The following PFKFB3 variants were observed in gnomAD, a reference collection of about 807,000 sequenced individuals.
PFKFB3 encodes 6-phosphofructo-2-kinase/fructose-2,6-biphosphatase 3, also known as 6-phosphofructo-2-kinase/fructose-2,6-bisphosphatase 3.
In PFKFB3, 33 loss-of-function variants were observed where a neutral mutation model predicts 68.0. The ratio of observed to expected loss-of-function variants is 0.49; its 90% CI spans 0.37 to 0.65. PFKFB3 has a LOEUF of 0.65. PFKFB3 is among the 30% of genes least tolerant of loss of function. PFKFB3 has a pLI of 0.00. For synonymous variants in PFKFB3, 315 were observed against 288.2 expected (o/e 1.09, Z -0.94); for missense variants, 586 against 712.2 (o/e 0.82, Z 2.02).
the PFKFB3 span, among the ~76,000 whole-genome samples, chr10:6,262,180 C>A: frequency 6.6e-6 from 1 of 151,946 alleles, no homozygotes; most frequent in Non-Finnish European, 1.5e-5. Flanking sequence ...GTTGGCCGGG[C>A]GTGGTGGCTC....
At chr10:6,260,278 C>T in the PFKFB3 span, among the ~76,000 whole-genome samples, 17 of 151,706 alleles carry the variant, frequency 1.1e-4, no homozygotes, top group South Asian at 6.2e-4. Context: ...CTGGGCATGG[C>T]GGCGGGTTCC....
Position 6,210,581 on chromosome 10 carries a change from A to ACCTCGTGATCCGCCCGCCTTGGCC in PFKFB3, c.77-3042_77-3041insCCTCGTGATCCGCCCGCCTTGGCC. Reference sequence around the variant, plus strand: ...CGCCATGTTAGCCAGGATAGTCTTGATAGTGTTTTTAATAGACGGGGTTTC... The same window carrying ACCTCGTGATCCGCCCGCCTTGGCC: ...CGCCATGTTAGCCAGGATAGTCTTGACCTCGTGATCCGCCCGCCTTGGCCTAGTGTTTTTAATAGACGGGGTTTC... On this transcript the variant is annotated intron_variant, in intron 1 of 14. Coordinates refer to ENST00000379775, the MANE Select transcript of PFKFB3 (RefSeq NM_004566.4). 1.1e-4 allele frequency among the ~76,000 whole-genome samples: 6 copies of ACCTCGTGATCCGCCCGCCTTGGCC among 52,496 alleles called. 1 individual carries two copies. The highest frequency in any genetic ancestry group is 9.4e-5 in the African/African-American group (2 of 21,214). The allele number at this position is 52,496 out of a possible 152,430, so 34.4% of individuals were successfully genotyped here. A position where few individuals can be genotyped will look rare whatever the true frequency, so the allele number is the denominator to read the frequency against.
chr10:6,178,771 G>T (rs1842613010), intron 1 of PFKFB3, among the ~76,000 whole-genome samples: 1 of 152,242 alleles, frequency 6.6e-6, no homozygotes, highest in South Asian at 2.1e-4. Context: ...GGATTTGAAG[G>T]CAGAGGGCCT....
chr10:6,244,753 C>T (rs1846217744), intron 14 of PFKFB3, among the ~76,000 whole-genome samples: 1 of 152,134 alleles, frequency 6.6e-6, no homozygotes, highest in Admixed American at 6.6e-5. Flanking sequence ...GAAATGCCCT[C>T]ATCACCCAGA....
In PFKFB3 at chr10:6,228,691, TG is replaced by T. The variant is rs199774036; in HGVS notation, c.1515+2329del. On this transcript the variant is annotated intron_variant, in intron 14 of 14. Transcript: ENST00000379775. This position sits in a 1 kb window ranked among gnomAD's most constrained non-coding sequence, Gnocchi z 4.5. ...TGTAAACCAAACCTATGGGGAATAGTGGGAGTGTGGTGGGGCCTGAGCTCTG... is the reference window on the plus strand; with the variant it reads ...TGTAAACCAAACCTATGGGGAATAGTGGAGTGTGGTGGGGCCTGAGCTCTG... Among the ~76,000 whole-genome samples the T allele has an allele frequency of 0.024, 1,781 of 74,384 alleles. 26 individuals carry two copies. Among genetic ancestry groups the T allele is most frequent in the Middle Eastern group, 0.082 (11 of 134 alleles). The allele number at this position is 74,384 out of a possible 152,430, so 48.8% of individuals were successfully genotyped here. A position where few individuals can be genotyped will look rare whatever the true frequency, so the allele number is the denominator to read the frequency against.
At chr10:6,283,268 A>G in the PFKFB3 span, among the ~76,000 whole-genome samples, 4 of 152,170 alleles carry the variant, frequency 2.6e-5, no homozygotes, top group African/African-American at 9.7e-5. Flanking sequence ...GCGCCCAGCC[A>G]AGTTATTCTA....
At chr10:6,281,446 C>T in the PFKFB3 span, among the ~76,000 whole-genome samples, 6 of 152,090 alleles carry the variant, frequency 3.9e-5, no homozygotes, top group Admixed American at 3.3e-4. Flanking sequence ...TGGACAACCA[C>T]ATGCCCAGCT....
chr10:6,250,959 T>G (rs1005122311), intron 14 of PFKFB3, among the ~76,000 whole-genome samples: 4 of 152,178 alleles, frequency 2.6e-5, no homozygotes, highest in African/African-American at 9.7e-5. Context: ...TCTTGTGACC[T>G]TTCACGAGTG....
chr10:6,226,455 G>C, intron 14 of PFKFB3, 90 bp downstream of exon 14: 2 of 1,324,980 alleles, frequency 1.5e-6, no homozygotes, highest in South Asian at 1.4e-5. Context: ...GTGTTTGCAA[G>C]AATACGTGCG....
downstream of PFKFB3, among the ~76,000 whole-genome samples, chr10:6,238,441 A>C (rs1370381692): frequency 2.2e-5 from 3 of 137,912 alleles, no homozygotes; most frequent in Admixed American, 8.1e-5. Flanking sequence ...CCGGGATTAC[A>C]GGTGTGAGCC....
At chr10:6,179,887 C>A (rs1185083469) in intron 1 of PFKFB3, among the ~76,000 whole-genome samples, 1 of 152,112 alleles carries the variant, frequency 6.6e-6, no homozygotes, top group East Asian at 1.9e-4. Flanking sequence ...GACCGTTGAG[C>A]CCCCAGAGTG....
Position 6,233,068 on chromosome 10 carries a change from C to T in PFKFB3, c.*126C>T. The T allele has an allele frequency of 2.6e-6, 2 of 767,826 alleles. No individual in the cohort carries two copies. Among genetic ancestry groups the T allele is most frequent in the South Asian group, 3.1e-5 (2 of 65,046 alleles). The allele number at this position is 767,826 out of a possible 1,614,324, so 47.6% of individuals were successfully genotyped here. On this transcript the variant is annotated 3_prime_UTR_variant, in exon 15 of 15. Transcript: ENST00000379775. ...GGGTGGGGTGGAGCAGCGGGGGAGC[C>T]TTGGCCGAAGAGAACCATGCTTGGC...
intron 1 of PFKFB3, among the ~76,000 whole-genome samples, chr10:6,210,585 T>G (rs1264006378): frequency 2.0e-4 from 7 of 35,268 alleles, no homozygotes; most frequent in East Asian, 3.8e-4. Flanking sequence ...GTCTTGATAG[T>G]GTTTTTAATA....
intron 1 of PFKFB3, among the ~76,000 whole-genome samples, chr10:6,160,937 A>T (rs1290750577): frequency 6.6e-6 from 1 of 151,702 alleles, no homozygotes; most frequent in East Asian, 1.9e-4. Flanking sequence ...TTTTTAATTT[A>T]TTTTTTTATT....
intron 14 of PFKFB3, among the ~76,000 whole-genome samples, chr10:6,240,541 G>C (rs1164151798): frequency 3.3e-5 from 5 of 152,296 alleles, no homozygotes; most frequent in African/African-American, 9.6e-5. Flanking sequence ...TGGGATTACA[G>C]ACGTGAGCCG....
At chr10:6,264,289 C>T in the PFKFB3 span, among the ~76,000 whole-genome samples, 1 of 152,188 alleles carries the variant, frequency 6.6e-6, no homozygotes, top group Non-Finnish European at 1.5e-5. Context: ...AGTCATCTTA[C>T]TCTGTTCTTA....
intron 1 of PFKFB3, among the ~76,000 whole-genome samples, chr10:6,209,069 G>A (rs1003586713): frequency 4.6e-5 from 7 of 152,218 alleles, no homozygotes; most frequent in Admixed American, 3.9e-4. Flanking sequence ...CCCAGTGCAT[G>A]TACCTGGTGC....
intron 1 of PFKFB3, among the ~76,000 whole-genome samples, chr10:6,193,187 A>T (rs1843079831): frequency 6.6e-6 from 1 of 152,192 alleles, no homozygotes; most frequent in Admixed American, 6.5e-5. Flanking sequence ...TCTCTACAAA[A>T]ACAAAAGATA....
intron 1 of PFKFB3, among the ~76,000 whole-genome samples, chr10:6,156,851 G>A (rs1272084448): frequency 2.0e-5 from 3 of 152,024 alleles, no homozygotes; most frequent in Admixed American, 6.5e-5. Flanking sequence ...CAGCACTTTG[G>A]GAGGCTGAGG....
Sources: gnomAD v4.1 joint callset for allele counts (sites outside exome capture counted in the v4.1 genomes callset) on GRCh38, gnomAD v4.1.1 for gene constraint, Gnocchi (gnomAD v3.1) non-coding constraint, MANE v1.5 for transcripts, NCBI Gene and HGNC (gene_info 2026-07-23, HGNC 2026-07-21) for gene names.